The following TMEM178B variants were observed in gnomAD, a reference collection of about 807,000 sequenced individuals.
TMEM178B encodes the protein transmembrane protein 178B.
In TMEM178B, 5 loss-of-function variants were observed where a neutral mutation model predicts 31.0. The ratio of observed to expected loss-of-function variants is 0.16; its 90% CI spans 0.08 to 0.34. The LOEUF (loss-of-function observed/expected upper bound fraction) is 0.34. Ranked by LOEUF, TMEM178B falls within the 10% of genes least tolerant of loss-of-function variation. The pLI, the probability that TMEM178B is intolerant of heterozygous loss-of-function variation, is 1.00. For synonymous variants in TMEM178B, 164 were observed against 164.0 expected (o/e 1.00, Z 0.00); for missense variants, 275 against 400.3 (o/e 0.69, Z 2.67).
chr7:141,361,923 G>A (rs544663047), intron 2 of TMEM178B, among the ~76,000 whole-genome samples: 2 of 152,316 alleles, frequency 1.3e-5, no homozygotes, highest in Admixed American at 1.3e-4. Context: ...TACTATAACT[G>A]TACTACAGAC....
At chr7:141,327,035 A>T (rs887424836) in intron 2 of TMEM178B, among the ~76,000 whole-genome samples, 1 of 152,202 alleles carries the variant, frequency 6.6e-6, no homozygotes, top group African/African-American at 2.4e-5. Context: ...AATTCTTTCC[A>T]TATGTCTCCC....
chr7:141,215,776 T>C (rs929832907), intron 2 of TMEM178B, among the ~76,000 whole-genome samples: 3 of 139,414 alleles, frequency 2.2e-5, no homozygotes, highest in African/African-American at 5.5e-5. Flanking sequence ...TTATATACTT[T>C]CCTTTCTTTC....
At chr7:141,148,814 G>A (rs984564056) in intron 1 of TMEM178B, among the ~76,000 whole-genome samples, 2 of 152,202 alleles carry the variant, frequency 1.3e-5, no homozygotes, top group Non-Finnish European at 2.9e-5. Flanking sequence ...GGTGTGAGAA[G>A]ATCTCTGGGA....
chr7:141,155,097 A>G (rs573421515), intron 1 of TMEM178B, among the ~76,000 whole-genome samples: 18 of 152,216 alleles, frequency 1.2e-4, no homozygotes, highest in Middle Eastern at 3.4e-3. Flanking sequence ...CTGTTGCCCA[A>G]ACTTGGCCAA....
chr7:141,084,893 G>A (rs1851609), intron 1 of TMEM178B, among the ~76,000 whole-genome samples: 65 of 149,930 alleles, frequency 4.3e-4, no homozygotes, highest in African/African-American at 1.2e-3. Context: ...TTTTTTTTTT[G>A]TTTGAGACCG....
rs1479402030 is a variant in TMEM178B, at chr7:141,200,751, A to G, written c.383-11840A>G. Among the ~76,000 whole-genome samples the G allele has an allele frequency of 3.9e-5, 6 of 152,128 alleles. No homozygotes were observed. The South Asian group carries it at 1.0e-3, about 26-fold the overall frequency. On this transcript the variant is annotated intron_variant, in intron 1 of 3. Transcript: ENST00000565468. ...TCTCTCATGACATCCAGGTGGCCAA[A>G]AGAGGAACGTACGGAGGCAGATCAG... is the stretch of plus-strand genomic sequence containing the variant.
intron 1 of TMEM178B, among the ~76,000 whole-genome samples, chr7:141,176,812 A>G (rs577893399): frequency 8.5e-5 from 13 of 152,204 alleles, no homozygotes; most frequent in Non-Finnish European, 5.9e-5. Flanking sequence ...TATCCTCTTT[A>G]TCATTTTTTA....
At chr7:141,157,417 C>T (rs1404751152) in intron 1 of TMEM178B, among the ~76,000 whole-genome samples, 1 of 150,552 alleles carries the variant, frequency 6.6e-6, no homozygotes, top group Non-Finnish European at 1.5e-5. Context: ...TTTCCTACTC[C>T]TGCGCGCGTG....
chr7:141,171,456 A>G lies in TMEM178B; in HGVS notation c.383-41135A>G, dbSNP rs1465670767. 6.6e-6 allele frequency among the ~76,000 whole-genome samples: 1 copy of G among 152,208 alleles called. No individual in the cohort carries two copies. Among genetic ancestry groups the G allele is most frequent in the African/African-American group, 2.4e-5 (1 of 41,450 alleles). On this transcript the variant is annotated intron_variant, in intron 1 of 3. Transcript: ENST00000565468. The surrounding 1 kb of genome is among the most constrained non-coding windows in gnomAD (Gnocchi z 4.3). ...TGGGAGCTCAAGTAACTTGCCCACAATCACTTAGCTGGCAAGTGATGGAGA... is the reference window on the plus strand; with the variant it reads ...TGGGAGCTCAAGTAACTTGCCCACAGTCACTTAGCTGGCAAGTGATGGAGA...
chr7:141,364,097 C>T (rs979640917), intron 2 of TMEM178B, among the ~76,000 whole-genome samples: 2 of 152,092 alleles, frequency 1.3e-5, no homozygotes, highest in Non-Finnish European at 2.9e-5. Flanking sequence ...GGTGTAGTTA[C>T]AGCTTTCCAT....
intron 1 of TMEM178B, among the ~76,000 whole-genome samples, chr7:141,089,875 G>A (rs1443495088): frequency 6.6e-6 from 1 of 152,032 alleles, no homozygotes; most frequent in African/African-American, 2.4e-5. Context: ...TTGGGGGAGG[G>A]GGAGGGATAG....
chr7:141,110,081 A>C (rs531709389), intron 1 of TMEM178B, among the ~76,000 whole-genome samples: 1 of 152,362 alleles, frequency 6.6e-6, no homozygotes, highest in East Asian at 1.9e-4. Context: ...AAAAAGGTAC[A>C]TGGTAGGAAA....
At chr7:141,300,949 C>G (rs1442376462) in intron 2 of TMEM178B, among the ~76,000 whole-genome samples, 1 of 152,198 alleles carries the variant, frequency 6.6e-6, no homozygotes, top group African/African-American at 2.4e-5. Flanking sequence ...CCAGCTGGCC[C>G]TGTCTGCCTC....
At chr7:141,404,649 A>G (rs992683686) in intron 2 of TMEM178B, among the ~76,000 whole-genome samples, 2 of 152,166 alleles carry the variant, frequency 1.3e-5, no homozygotes, top group Non-Finnish European at 2.9e-5. Context: ...CCTCCATTCA[A>G]TTACAACTCT....
intron 2 of TMEM178B, among the ~76,000 whole-genome samples, chr7:141,288,156 C>G (rs1798479137): frequency 6.6e-6 from 1 of 151,976 alleles, no homozygotes; most frequent in African/African-American, 2.4e-5. Flanking sequence ...CTCTGGCAGA[C>G]AGCTGGTGAC....
At chr7:141,327,381 T>C (rs977861133) in intron 2 of TMEM178B, among the ~76,000 whole-genome samples, 1 of 152,180 alleles carries the variant, frequency 6.6e-6, no homozygotes, top group Admixed American at 6.5e-5. Flanking sequence ...AGGGTTCCCA[T>C]ATATTCCTTG....
At chr7:141,366,154 C>G (rs549444221) in intron 2 of TMEM178B, among the ~76,000 whole-genome samples, 12 of 152,272 alleles carry the variant, frequency 7.9e-5, no homozygotes, top group African/African-American at 2.4e-4. Flanking sequence ...TCCTTTGGAG[C>G]TATCATAAAA....
intron 2 of TMEM178B, among the ~76,000 whole-genome samples, chr7:141,381,192 C>T (rs1431922854): frequency 6.6e-6 from 1 of 152,208 alleles, no homozygotes. Flanking sequence ...TGATGTGAAA[C>T]CCCCCACCTG....
At chr7:141,115,829 C>T (rs1362819554) in intron 1 of TMEM178B, among the ~76,000 whole-genome samples, 2 of 152,098 alleles carry the variant, frequency 1.3e-5, no homozygotes, top group Admixed American at 1.3e-4. Flanking sequence ...CCAGAGTTGA[C>T]TTAGATTATT....
Sources: gnomAD v4.1 joint callset for allele counts (sites outside exome capture counted in the v4.1 genomes callset) on GRCh38, gnomAD v4.1.1 for gene constraint, Gnocchi (gnomAD v3.1) non-coding constraint, MANE v1.5 for transcripts, NCBI Gene and HGNC (gene_info 2026-07-23, HGNC 2026-07-21) for gene names.